MCFD2: variants seen among roughly 807,000 people sequenced by gnomAD.
The protein encoded by MCFD2 is multiple coagulation factor deficiency protein 2.
In MCFD2, 11 loss-of-function variants were observed where a neutral mutation model predicts 12.8. The observed-to-expected ratio is 0.86, with a 90% CI of 0.54 to 1.42. MCFD2 has a LOEUF of 1.42. Among genes scored for constraint, MCFD2 ranks in the 40% most tolerant of loss-of-function variants. The pLI is 0.00. For synonymous variants in MCFD2, 70 were observed against 68.1 expected, an observed-to-expected ratio of 1.03 and a Z score of -0.14; for missense variants, 191 against 178.6, an observed-to-expected ratio of 1.07 and a Z score of -0.40.
At chr2:46,919,866 T>C (rs1354574621), upstream of MCFD2, among the ~76,000 whole-genome samples, 2 of 152,244 alleles carry the variant, frequency 1.3e-5, no homozygotes, top group East Asian at 1.9e-4. Context: ...CACCCTTGCA[T>C]TGGATGAGGG....
At position 46,907,605 on chromosome 2, in the gene MCFD2, C is replaced by A; in HGVS notation, c.309+205G>T. 1.6e-6 allele frequency: 1 copy of A among 614,768 alleles called. No homozygotes were observed. Among genetic ancestry groups the A allele is most frequent in the Non-Finnish European group, 2.9e-6 (1 of 344,026 alleles). The allele number at this position is 614,768 out of a possible 1,614,324, so 38.1% of individuals were successfully genotyped here. On this transcript the variant is annotated intron_variant, in intron 3 of 3. Transcript: ENST00000319466. This position sits in a 1 kb window ranked among gnomAD's most constrained non-coding sequence, Gnocchi z 4.1. The stretch of plus-strand genomic sequence containing the variant: ...TAGAGACAGGGTCTCACTATATTGC[C>A]AAGGCTGGTCTTGAACTCCTGGCTC...
rs1668372270 is a variant in MCFD2, at chr2:46,909,074, A to G, written c.98T>C (p.Phe33Ser). 1.2e-6 allele frequency: 2 copies of G among 1,614,062 alleles called. No individual in the cohort carries two copies. The highest frequency in any genetic ancestry group is 1.3e-5 in the African/African-American group (1 of 74,918). The change falls in exon 2 of 4, where the codon TTC (phenylalanine) becomes TCC (serine). Residue 33 changes from phenylalanine (F) to serine (S), a missense_variant. Physicochemically the swap from Phe to Ser is radical, Grantham distance 155 (BLOSUM62 -2). Coordinates refer to ENST00000319466, the MANE Select transcript of MCFD2 (RefSeq NM_139279.6). ...CAGGCCCATGCTGCCGGGTTGGGAG[A>G]AGCTGGCTGCAGGCTCCTCAGCCCT... Reference protein sequence around the residue: ...GARAEEPAASFSQPGSMGLDK... With the variant: ...GARAEEPAASSSQPGSMGLDK...
In MCFD2 at chr2:46,907,854, C is replaced by T; in HGVS notation, c.265G>A (p.Asp89Asn). Residue 89 changes from aspartate to asparagine, a missense_variant, in exon 3 of 4, where the codon GAT becomes AAT. Asp to Asn is a conservative substitution (Grantham distance 23, BLOSUM62 1). Coordinates refer to ENST00000319466, the MANE Select transcript of MCFD2 (RefSeq NM_139279.6). The surrounding 1 kb of genome is among the most constrained non-coding windows in gnomAD (Gnocchi z 4.1). ...MHDYDGNNLL[D>N]GLELSTAITH... ...ATGGCTGTGGAGAGTTCTAAGCCAT[C>T]AAGCAAATTATTGCCATCATAATCA... 1 of 1,614,212 alleles carries T rather than the reference C, an allele frequency of 6.2e-7. No individual in the cohort carries two copies. Among genetic ancestry groups the T allele is most frequent in the Non-Finnish European group, 8.5e-7 (1 of 1,180,024 alleles).
chr2:46,936,608 T>C (rs1669991611), intron 1 of MCFD2, among the ~76,000 whole-genome samples: 1 of 152,184 alleles, frequency 6.6e-6, no homozygotes, highest in African/African-American at 2.4e-5. Flanking sequence ...AACCTGTCTA[T>C]GGCTTCCTCG....
intron 1 of MCFD2, among the ~76,000 whole-genome samples, chr2:46,923,252 T>G (rs1669198649): frequency 6.6e-6 from 1 of 152,232 alleles, no homozygotes; most frequent in Non-Finnish European, 1.5e-5. Context: ...TCATTGGTGA[T>G]CAACTTAACC....
intron 3 of MCFD2, among the ~76,000 whole-genome samples, chr2:46,906,344 C>T (rs947264123): frequency 6.6e-6 from 1 of 152,160 alleles, no homozygotes; most frequent in Non-Finnish European, 1.5e-5. Flanking sequence ...ATGCTCCCTG[C>T]TGCCTTCAAA....
chr2:46,932,593 GAA>G (rs1380632436), intron 1 of MCFD2, among the ~76,000 whole-genome samples: 1 of 151,874 alleles, frequency 6.6e-6, no homozygotes, highest in Non-Finnish European at 1.5e-5. Context: ...GAAAGAGAAA[GAA>G]AGATTAATAT....
At chr2:46,932,946 T>C (rs1572653592) in intron 1 of MCFD2, among the ~76,000 whole-genome samples, 1 of 148,346 alleles carries the variant, frequency 6.7e-6, no homozygotes, top group Admixed American at 6.7e-5. Context: ...ATTTTAAGGC[T>C]CAAAACTGCT....
At chr2:46,927,355 ATTTTT>A (rs60808815) in intron 1 of MCFD2, among the ~76,000 whole-genome samples, 1 of 132,870 alleles carries the variant, frequency 7.5e-6, no homozygotes. Context: ...AGAAAAAAAG[ATTTTT>A]TTTTTTTTTT....
rs2103887581 is a variant in MCFD2 at position 46,941,597 on chromosome 2, G to C, written c.-33C>G. On this transcript the variant is annotated 5_prime_UTR_variant, in exon 1 of 3. Coordinates refer to the MCFD2 transcript ENST00000409147. The surrounding 1 kb of genome is among the most constrained non-coding windows in gnomAD (Gnocchi z 4.2). ...CTGAAGGTGGAGAGCGAGCTGGAGC[G>C]CTGCCGCGCCGAGGGCCACTGGGAC... 1 of 1,557,198 alleles carries C rather than the reference G, an allele frequency of 6.4e-7. No individual in the cohort carries two copies. Among genetic ancestry groups the C allele is most frequent in the Admixed American group, 1.9e-5 (1 of 52,016 alleles).
At chr2:46,919,168 G>C (rs1051467401), upstream of MCFD2, among the ~76,000 whole-genome samples, 16 of 152,192 alleles carry the variant, frequency 1.1e-4, no homozygotes, top group African/African-American at 3.6e-4. Context: ...TTTTAGTATT[G>C]CTTTGATGTT....
chr2:46,917,612 C>G (rs1668881397), upstream of MCFD2, among the ~76,000 whole-genome samples: 1 of 152,104 alleles, frequency 6.6e-6, no homozygotes. Context: ...CATTTTTTTC[C>G]TATGGATGTT....
chr2:46,915,041 G>A (rs1050695687), intron 1 of MCFD2, among the ~76,000 whole-genome samples: 1 of 152,226 alleles, frequency 6.6e-6, no homozygotes, highest in East Asian at 1.9e-4. Flanking sequence ...TCTGTTTTAA[G>A]ACCATGGCTG....
At position 46,937,790 on chromosome 2, in the gene MCFD2, G is replaced by A. The variant is rs1572661510; in HGVS notation, c.-8+3782C>T. On this transcript the variant is annotated intron_variant, in intron 1 of 2. Coordinates refer to the MCFD2 transcript ENST00000409147. This position sits in a 1 kb window ranked among gnomAD's most constrained non-coding sequence, Gnocchi z 4.0. ...GCATAGGAAGCTGAAGGGGTTTGGG[G>A]AAGCTGTGAACGTTAGTCAAGGTCT... is the stretch of plus-strand genomic sequence containing the variant. 1.3e-5 allele frequency among the ~76,000 whole-genome samples: 2 copies of A among 152,330 alleles called. No homozygotes were observed. Among genetic ancestry groups the A allele is most frequent in the East Asian group, 3.9e-4 (2 of 5,192 alleles).
chr2:46,926,962 G>A (rs889751888), intron 1 of MCFD2, among the ~76,000 whole-genome samples: 1 of 147,658 alleles, frequency 6.8e-6, no homozygotes, highest in East Asian at 1.9e-4. Context: ...TTTGTGAACA[G>A]AAAAATATAA....
At position 46,903,932 on chromosome 2, in the gene MCFD2, G is replaced by A. The variant is rs1253332282; in HGVS notation, c.*1531C>T. On this transcript the variant is annotated 3_prime_UTR_variant, in exon 4 of 4. Coordinates refer to ENST00000319466, the MANE Select transcript of MCFD2 (RefSeq NM_139279.6). The stretch of plus-strand genomic sequence containing the variant: ...TAATGTTAATCCCCAACACCATGGG[G>A]AAAATGTCTCCAGGCCATGTCAGGG... 1.3e-5 allele frequency: 2 copies of A among 152,158 alleles called. No individual in the cohort carries two copies. The highest frequency in any genetic ancestry group is 3.9e-4 in the East Asian group (2 of 5,190). The allele number at this position is 152,158 out of a possible 1,614,324, so 9.4% of individuals were successfully genotyped here.
rs189323144 is a variant in MCFD2, at chr2:46,909,180, G to C, written c.-6-3C>G. 1.3e-5 allele frequency: 21 copies of C among 1,612,916 alleles called. No individual in the cohort carries two copies. In the East Asian group the frequency reaches 4.2e-4, roughly 33 times the overall value. On this transcript the variant is annotated splice_polypyrimidine_tract_variant and splice_region_variant and intron_variant, in intron 1 of 3. Transcript: ENST00000319466. ...AGGGATCTCATGGTCATCAATATCT[G>C]TGAGATGGGAAACACAGAAGAGGAA...
At chr2:46,925,324 A>C (rs1669330790) in intron 1 of MCFD2, among the ~76,000 whole-genome samples, 2 of 152,058 alleles carry the variant, frequency 1.3e-5, no homozygotes, top group African/African-American at 4.8e-5. Flanking sequence ...TTGGGAGGCT[A>C]AGGTGGGCGG....
chr2:46,902,317 C>A lies in MCFD2; in HGVS notation c.*3146G>T, dbSNP rs1220453415. 2 of 152,660 alleles carry A rather than the reference C, an allele frequency of 1.3e-5. No homozygotes were observed. Among genetic ancestry groups the A allele is most frequent in the Non-Finnish European group, 2.9e-5 (2 of 68,040 alleles). 9.5% of individuals were successfully genotyped at this position (152,660 alleles called of 1,614,324 possible). A position where few individuals can be genotyped will look rare whatever the true frequency, so the allele number is the denominator to read the frequency against. On this transcript the variant is annotated 3_prime_UTR_variant, in exon 4 of 4. Transcript: ENST00000319466. ...TATCCCTCTTGACTAGAACTTCTAT[C>A]TGATTAATCATTGTTTGGTGAATTA...
Sources: allele counts gnomAD v4.1 joint callset (sites outside exome capture counted in the v4.1 genomes callset), GRCh38; gene constraint gnomAD v4.1.1; non-coding constraint Gnocchi (gnomAD v3.1); transcripts MANE v1.5; gene names NCBI Gene and HGNC (gene_info 2026-07-23, HGNC 2026-07-21).